Variants in SLC24A3 observed in about 807,000 individuals in gnomAD.
SLC24A3 encodes sodium/potassium/calcium exchanger 3.
SLC24A3 carries 28 observed loss-of-function variants against 75.8 expected under a neutral mutation model. The ratio of observed to expected loss-of-function variants is 0.37; its 90% CI spans 0.27 to 0.51. The LOEUF is 0.51. SLC24A3 is among the 20% of genes least tolerant of loss of function. SLC24A3 has a pLI of 0.94. For missense variants in SLC24A3, 663 were observed against 847.8 expected, an observed-to-expected ratio of 0.78 and a Z score of 2.71; for synonymous variants, 372 against 334.1, an observed-to-expected ratio of 1.11 and a Z score of -1.24.
intron 15 of SLC24A3, among the ~76,000 whole-genome samples, chr20:19,714,834 C>G (rs1362319371): frequency 6.6e-6 from 1 of 152,156 alleles, no homozygotes. Context: ...TAACAGGATT[C>G]CTTTTGAAAA....
At position 19,645,364 on chromosome 20, in the gene SLC24A3, T is replaced by C. The variant is rs151099513; in HGVS notation, c.613-8698T>C. 2.8e-4 allele frequency among the ~76,000 whole-genome samples: 42 copies of C among 152,336 alleles called. 1 individual carries two copies. The East Asian group carries it at 7.9e-3, about 29-fold the overall frequency. ...TGATTGTGTTCAGCATTGTTGATGC[T>C]AATTAATATAATTATTTTAGATCAG... On this transcript the variant is annotated intron_variant, in intron 6 of 16. Transcript: ENST00000328041.
At chr20:19,625,652 G>A (rs1483366159) in intron 6 of SLC24A3, among the ~76,000 whole-genome samples, 1 of 152,110 alleles carries the variant, frequency 6.6e-6, no homozygotes, top group Non-Finnish European at 1.5e-5. Flanking sequence ...GCTAATAACA[G>A]CTGTCAATAA....
intron 1 of SLC24A3, among the ~76,000 whole-genome samples, chr20:19,257,191 A>G (rs1441159772): frequency 4.6e-5 from 7 of 152,244 alleles, no homozygotes; most frequent in Admixed American, 4.6e-4. Flanking sequence ...GGAGGCACAG[A>G]GTCACATAAG....
chr20:19,711,572 G>A (rs1222470487), intron 15 of SLC24A3, among the ~76,000 whole-genome samples: 3 of 151,778 alleles, frequency 2.0e-5, no homozygotes, highest in East Asian at 1.9e-4. Flanking sequence ...ACGCACACAC[G>A]TGCATGCTCA....
At position 19,721,299 on chromosome 20, in the gene SLC24A3, A is replaced by T. The variant is rs2277866; in HGVS notation, c.*159A>T. 1.2e-6 allele frequency: 1 copy of T among 854,050 alleles called. No homozygotes were observed. Among genetic ancestry groups the T allele is most frequent in the Non-Finnish European group, 1.8e-6 (1 of 563,586 alleles). 52.9% of individuals were successfully genotyped at this position (854,050 alleles called of 1,614,324 possible). ...TTTTGGTGGCCCAGGCTCTCCCCTG[A>T]CCCATCCTCGCTCCCCCACCTCCTT... On this transcript the variant is annotated 3_prime_UTR_variant, in exon 17 of 17. Coordinates refer to ENST00000328041, the MANE Select transcript of SLC24A3 (RefSeq NM_020689.4).
At chr20:19,508,000 A>G (rs1300136400) in intron 2 of SLC24A3, among the ~76,000 whole-genome samples, 1 of 152,224 alleles carries the variant, frequency 6.6e-6, no homozygotes, top group East Asian at 1.9e-4. Context: ...CACTGAGTCC[A>G]CGGTACACAT....
intron 2 of SLC24A3, among the ~76,000 whole-genome samples, chr20:19,405,701 C>T (rs1007876965): frequency 9.2e-5 from 14 of 152,266 alleles, no homozygotes; most frequent in African/African-American, 3.4e-4. Flanking sequence ...CTGTTTCCAA[C>T]CAGTTTAAAA....
At position 19,557,355 on chromosome 20, in the gene SLC24A3, A is replaced by T. The variant is rs544060286; in HGVS notation, c.349-22645A>T. Among the ~76,000 whole-genome samples the T allele has an allele frequency of 1.0e-3, 154 of 152,298 alleles. 1 individual carries two copies. The highest frequency in any genetic ancestry group is 1.6e-3 in the Admixed American group (24 of 15,296). On this transcript the variant is annotated intron_variant, in intron 3 of 16. Transcript: ENST00000328041. Reference sequence around the variant, plus strand: ...CAACTCTTCCCAACTTTGACATCACAGGGGTAGCCTCCAATCAATCATGGT... The same window carrying T: ...CAACTCTTCCCAACTTTGACATCACTGGGGTAGCCTCCAATCAATCATGGT...
chr20:19,350,389 T>C (rs1318276359), intron 2 of SLC24A3, among the ~76,000 whole-genome samples: 2 of 152,232 alleles, frequency 1.3e-5, no homozygotes, highest in Non-Finnish European at 2.9e-5. Flanking sequence ...TCCTTTTCTT[T>C]CTGCCTCTCT....
intron 6 of SLC24A3, among the ~76,000 whole-genome samples, chr20:19,596,492 A>T (rs370678662): frequency 6.6e-6 from 1 of 152,228 alleles, no homozygotes; most frequent in African/African-American, 2.4e-5. Context: ...CCTGTTATCC[A>T]ACACATTCTG....
chr20:19,255,078 T>A (rs961796584), intron 1 of SLC24A3, among the ~76,000 whole-genome samples: 3 of 152,216 alleles, frequency 2.0e-5, no homozygotes, highest in Non-Finnish European at 4.4e-5. Context: ...TGGGGATCCA[T>A]GTGGCAATAT....
chr20:19,470,093 G>A (rs575803947), intron 2 of SLC24A3, among the ~76,000 whole-genome samples: 22 of 152,294 alleles, frequency 1.4e-4, no homozygotes, highest in Middle Eastern at 3.4e-3. Context: ...CCTGCCACCT[G>A]TGTTCCTGAT....
intron 3 of SLC24A3, among the ~76,000 whole-genome samples, chr20:19,524,681 A>G (rs142794771): frequency 1.3e-5 from 2 of 152,082 alleles, no homozygotes; most frequent in East Asian, 3.9e-4. Context: ...CTTTTTATTT[A>G]TTTTATTTTT....
At chr20:19,702,909 C>G (rs1242243288) in intron 15 of SLC24A3, among the ~76,000 whole-genome samples, 1 of 152,140 alleles carries the variant, frequency 6.6e-6, no homozygotes, top group African/African-American at 2.4e-5. Context: ...TAATCACAAC[C>G]TAGGAACTAC....
intron 1 of SLC24A3, among the ~76,000 whole-genome samples, chr20:19,271,905 A>G (rs1983342005): frequency 6.6e-6 from 1 of 152,214 alleles, no homozygotes; most frequent in South Asian, 2.1e-4. Flanking sequence ...GGGTGCACCA[A>G]AATCTCATAA....
At chr20:19,490,873 G>A (rs549682101) in intron 2 of SLC24A3, among the ~76,000 whole-genome samples, 1 of 152,276 alleles carries the variant, frequency 6.6e-6, no homozygotes, top group Admixed American at 6.5e-5. Flanking sequence ...GGAATGAATG[G>A]CTGGCTTGCA....
chr20:19,536,788 T>C, intron 3 of SLC24A3, among the ~76,000 whole-genome samples: 1 of 152,212 alleles, frequency 6.6e-6, no homozygotes, highest in African/African-American at 2.4e-5. Context: ...GGATTCCCTA[T>C]TTAATAAATG....
At chr20:19,287,932 T>A (rs1475976932) in intron 2 of SLC24A3, among the ~76,000 whole-genome samples, 1 of 152,218 alleles carries the variant, frequency 6.6e-6, no homozygotes, top group African/African-American at 2.4e-5. Context: ...TAAGATGCCT[T>A]CTTCCCAGGC....
intron 15 of SLC24A3, among the ~76,000 whole-genome samples, chr20:19,708,218 C>T (rs6046265): frequency 0.091 from 13,862 of 152,078 alleles, 1,154 homozygotes; most frequent in East Asian, 0.21. Context: ...AGAAGCCTAC[C>T]CTCAGCCAAA....
Sources: allele counts gnomAD v4.1 joint callset (sites outside exome capture counted in the v4.1 genomes callset), GRCh38; gene constraint gnomAD v4.1.1; transcripts MANE v1.5; gene names NCBI Gene and HGNC (gene_info 2026-07-23, HGNC 2026-07-21).